PLA2R1: variants seen among roughly 807,000 people sequenced by gnomAD.
PLA2R1 encodes phospholipase A2 receptor 1.
PLA2R1 carries 158 observed loss-of-function variants against 195.9 expected under a neutral mutation model. The observed-to-expected ratio is 0.81, with a 90% CI of 0.71 to 0.92. The LOEUF (loss-of-function observed/expected upper bound fraction) is 0.92, where lower values mean the gene tolerates loss of function less well. PLA2R1 is among the 40% of genes least tolerant of loss of function. The pLI is 0.00. For synonymous variants in PLA2R1, 586 were observed against 598.2 expected, an observed-to-expected ratio of 0.98 and a Z score of 0.30; for missense variants, 1,626 against 1,764.6, an observed-to-expected ratio of 0.92 and a Z score of 1.41.
chr2:159,974,980 A>T (rs1450962754), intron 17 of PLA2R1, among the ~76,000 whole-genome samples: 4 of 152,204 alleles, frequency 2.6e-5, no homozygotes, highest in Non-Finnish European at 5.9e-5. Flanking sequence ...AAAAGATGAT[A>T]GAGTTAGAAA....
chr2:160,057,380 G>A lies in PLA2R1; in HGVS notation c.109+4915C>T, dbSNP rs1002877494. On this transcript the variant is annotated intron_variant, in intron 1 of 29. Transcript: ENST00000283243. ...CTGGGACCATTACAACCAACTCCAC[G>A]TTTGCCTGAGTGACCTTCAGTGGGC... 4.6e-5 allele frequency among the ~76,000 whole-genome samples: 7 copies of A among 152,236 alleles called. No homozygotes were observed. The South Asian group carries it at 6.2e-4, about 14-fold the overall frequency.
intron 5 of PLA2R1, among the ~76,000 whole-genome samples, chr2:160,028,587 T>C (rs976048541): frequency 2.6e-5 from 4 of 152,156 alleles, no homozygotes; most frequent in African/African-American, 7.2e-5. Context: ...TAGAGAGATA[T>C]TTTGCAATTT....
chr2:159,959,859 G>A (rs1688325088), intron 20 of PLA2R1, among the ~76,000 whole-genome samples: 1 of 152,076 alleles, frequency 6.6e-6, no homozygotes, highest in Non-Finnish European at 1.5e-5. Flanking sequence ...ACTGCCTCAT[G>A]GTCTCTGCCA....
chr2:159,961,288 C>A (rs1320476993), intron 20 of PLA2R1, among the ~76,000 whole-genome samples: 1 of 152,054 alleles, frequency 6.6e-6, no homozygotes, highest in Non-Finnish European at 1.5e-5. Flanking sequence ...GTGATGATAT[C>A]CTTTGTAATC....
chr2:159,929,724 C>A (rs192857917), downstream of PLA2R1, among the ~76,000 whole-genome samples: 1 of 152,038 alleles, frequency 6.6e-6, no homozygotes, highest in Non-Finnish European at 1.5e-5. Context: ...CAGCACAATT[C>A]GCAATTGCAA....
intron 20 of PLA2R1, among the ~76,000 whole-genome samples, chr2:159,959,111 C>A (rs780527575): frequency 6.6e-6 from 1 of 152,170 alleles, no homozygotes; most frequent in Non-Finnish European, 1.5e-5. Context: ...AATTTTATAA[C>A]AACTATCCTT....
At position 159,964,425 on chromosome 2, in the gene PLA2R1, T is replaced by C. The variant is rs556152393; in HGVS notation, c.2904+3114A>G. Among the ~76,000 whole-genome samples the C allele has an allele frequency of 2.0e-5, 3 of 152,344 alleles. No individual in the cohort carries two copies. In the South Asian group the frequency reaches 6.2e-4, roughly 32 times the overall value. On this transcript the variant is annotated intron_variant, in intron 20 of 29. Transcript: ENST00000283243. ...GGACCATAAAGATGCTTTAAAAAACTAATTGCCAAAGGTTTTAATAAAAGA... is the reference window on the plus strand; with the variant it reads ...GGACCATAAAGATGCTTTAAAAAACCAATTGCCAAAGGTTTTAATAAAAGA...
In PLA2R1 at chr2:159,970,230, G is replaced by T. The variant is rs778403942; in HGVS notation, c.2596-18C>A. ...TTTGATAGCTATTGAAAGAAAAAAA[G>T]TCAGCATTTATTCTACTTGTTTTCC... is the stretch of plus-strand genomic sequence containing the variant. On this transcript the variant is annotated intron_variant, in intron 17 of 29. Transcript: ENST00000283243. 3.2e-6 allele frequency: 5 copies of T among 1,586,916 alleles called. No individual in the cohort carries two copies. The highest frequency in any genetic ancestry group is 4.3e-6 in the Non-Finnish European group (5 of 1,159,854).
intron 10 of PLA2R1, 134 bp from the exon 11 acceptor site, chr2:160,005,955 A>G (rs1691956572): frequency 7.5e-6 from 5 of 670,644 alleles, no homozygotes; most frequent in South Asian, 3.6e-5. Context: ...TGGAACAGGA[A>G]AACACCCAAA....
chr2:160,029,248 T>C (rs990901135), intron 4 of PLA2R1, among the ~76,000 whole-genome samples: 2 of 152,244 alleles, frequency 1.3e-5, no homozygotes, highest in Non-Finnish European at 2.9e-5. Flanking sequence ...GTTGCATACT[T>C]GAGGCCATCT....
rs115936798 is a variant in PLA2R1 at position 159,973,707 on chromosome 2, C to T, written c.2595+2361G>A. Among the ~76,000 whole-genome samples, 331 of 152,258 alleles carry T rather than the reference C, an allele frequency of 2.2e-3. 2 individuals are homozygous for T. Among genetic ancestry groups the T allele is most frequent in the African/African-American group, 7.4e-3 (309 of 41,548 alleles). On this transcript the variant is annotated intron_variant, in intron 17 of 29. Transcript: ENST00000283243. The stretch of plus-strand genomic sequence containing the variant: ...GTTTTTTTATAGCAGCCTGAAAAGA[C>T]TAGGACAGTCCCCTGGCCCTGTTCT...
chr2:159,985,075 T>C (rs2105311186), intron 12 of PLA2R1, among the ~76,000 whole-genome samples: 1 of 152,332 alleles, frequency 6.6e-6, no homozygotes, highest in African/African-American at 2.4e-5. Context: ...CAGGGTGATA[T>C]ATAGTAGAAA....
At position 160,045,011 on chromosome 2, in the gene PLA2R1, C is replaced by T. The variant is rs774034995; in HGVS notation, c.256G>A (p.Gly86Ser). Reference protein sequence around the residue: ...VSNHGLFNIGGSGCLGLNFSA... With the variant: ...VSNHGLFNIGSSGCLGLNFSA... Reference sequence around the variant, plus strand: ...AAATTCAGGCCCAGGCAACCACTGCCTCCTATGTTAAAGAGGCCATGGTTT... The same window carrying T: ...AAATTCAGGCCCAGGCAACCACTGCTTCCTATGTTAAAGAGGCCATGGTTT... Residue 86 changes from glycine to serine, a missense_variant, in exon 2 of 30, where the codon GGC becomes AGC. Gly to Ser is a moderately conservative substitution (Grantham distance 56, BLOSUM62 0). Transcript: ENST00000283243. The T allele has an allele frequency of 6.2e-7, 1 of 1,614,186 alleles. No homozygotes were observed.
chr2:159,929,702 G>A (rs1364252281), downstream of PLA2R1, among the ~76,000 whole-genome samples: 2 of 152,092 alleles, frequency 1.3e-5, no homozygotes, highest in African/African-American at 2.4e-5. Flanking sequence ...ACTTGTACAC[G>A]CATGTTCATA....
rs1691908371 is a variant in PLA2R1 at position 160,005,402 on chromosome 2, T to G, written c.1834+250A>C. Reference sequence around the variant, plus strand: ...GTGAACCGAGATTGCACCACTGCACTCCAGGCTGGGTGACAGAGCGAGACC... The same window carrying G: ...GTGAACCGAGATTGCACCACTGCACGCCAGGCTGGGTGACAGAGCGAGACC... On this transcript the variant is annotated intron_variant, in intron 11 of 29. Transcript: ENST00000283243. Among the ~76,000 whole-genome samples the G allele has an allele frequency of 2.0e-5, 3 of 152,088 alleles. No individual in the cohort carries two copies. The South Asian group carries it at 6.3e-4, about 32-fold the overall frequency.
In PLA2R1 at chr2:160,062,572, C is replaced by T. The variant is rs1696043887; in HGVS notation, c.-169G>A. 1.7e-6 allele frequency: 2 copies of T among 1,188,176 alleles called. No homozygotes were observed. Among genetic ancestry groups the T allele is most frequent in the Non-Finnish European group, 1.1e-6 (1 of 906,344 alleles). 73.6% of individuals were successfully genotyped at this position (1,188,176 alleles called of 1,614,324 possible). Reference sequence around the variant, plus strand: ...GCCAGCCCAGAGCCCTGGAGACCCACTCCGCCACCGCTGTCTCCACAGTGA... The same window carrying T: ...GCCAGCCCAGAGCCCTGGAGACCCATTCCGCCACCGCTGTCTCCACAGTGA... On this transcript the variant is annotated 5_prime_UTR_variant, in exon 1 of 30. In the 5' UTR this introduces an upstream ATG that the reference lacks. Transcript: ENST00000283243.
At chr2:160,041,073 A>G (rs1362692674) in intron 3 of PLA2R1, among the ~76,000 whole-genome samples, 6 of 152,210 alleles carry the variant, frequency 3.9e-5, no homozygotes, top group Non-Finnish European at 8.8e-5. Flanking sequence ...CTGTGTGATT[A>G]TTTCAAAGCT....
intron 11 of PLA2R1, among the ~76,000 whole-genome samples, chr2:159,992,634 T>C (rs900100342): frequency 2.7e-5 from 4 of 150,786 alleles, no homozygotes; most frequent in African/African-American, 7.4e-5. Context: ...AAGCTACCAA[T>C]GCCTTTCTTC....
chr2:159,985,844 C>T (rs1690287826), intron 12 of PLA2R1, among the ~76,000 whole-genome samples: 2 of 152,134 alleles, frequency 1.3e-5, no homozygotes, highest in Non-Finnish European at 2.9e-5. Context: ...CCCAGCTCTT[C>T]CTCTTTTTCT....
Sources: allele counts gnomAD v4.1 joint callset (sites outside exome capture counted in the v4.1 genomes callset), GRCh38; gene constraint gnomAD v4.1.1; transcripts MANE v1.5; gene names NCBI Gene and HGNC (gene_info 2026-07-23, HGNC 2026-07-21).